The following WDFY4 variants were observed in gnomAD, a reference collection of about 807,000 sequenced individuals.
The protein encoded by WDFY4 is WD repeat- and FYVE domain-containing protein 4.
In WDFY4, 169 loss-of-function variants were observed where a neutral mutation model predicts 351.9. The ratio of observed to expected loss-of-function variants is 0.48; its 90% CI spans 0.42 to 0.55. The LOEUF (loss-of-function observed/expected upper bound fraction) is 0.55, where lower values mean the gene tolerates loss of function less well. WDFY4 is among the 20% of genes least tolerant of loss of function. The pLI is 0.00. For synonymous variants in WDFY4, 1,622 were observed against 1,574.6 expected (o/e 1.03, Z -0.71); for missense variants, 3,803 against 3,935.6 (o/e 0.97, Z 0.90).
At chr10:48,689,376 C>T (rs1258336223) in intron 1 of WDFY4, among the ~76,000 whole-genome samples, 3 of 152,000 alleles carry the variant, frequency 2.0e-5, no homozygotes, top group African/African-American at 4.8e-5. Flanking sequence ...GAAATGTAGC[C>T]GATGTGAATT....
intron 23 of WDFY4, among the ~76,000 whole-genome samples, chr10:48,794,019 T>A (rs547045938): frequency 6.6e-6 from 1 of 152,248 alleles, no homozygotes; most frequent in Admixed American, 6.5e-5. Flanking sequence ...TTCCAGGAGC[T>A]GGTCTGGGTT....
intron 1 of WDFY4, among the ~76,000 whole-genome samples, chr10:48,696,525 G>T (rs535729376): frequency 2.6e-5 from 4 of 152,352 alleles, no homozygotes; most frequent in African/African-American, 9.6e-5. Flanking sequence ...CATCTCTACG[G>T]CCCTGTCCTG....
chr10:48,917,850 C>T (rs1299294538), intron 47 of WDFY4, among the ~76,000 whole-genome samples: 1 of 152,160 alleles, frequency 6.6e-6, no homozygotes, highest in African/African-American at 2.4e-5. Context: ...TTTTTCTCTT[C>T]TAAATACCCT....
intron 1 of WDFY4, among the ~76,000 whole-genome samples, chr10:48,709,488 A>G (rs911871350): frequency 6.6e-6 from 1 of 152,156 alleles, no homozygotes; most frequent in African/African-American, 2.4e-5. Flanking sequence ...AGTCTTGTGT[A>G]TAAGACCCCA....
Position 48,723,581 on chromosome 10 carries a change from G to T in WDFY4, c.591+14G>T, listed in dbSNP as rs1271236619. On this transcript the variant is annotated intron_variant, in intron 5 of 61. Transcript: ENST00000325239. ...ATGTTCGTGCAGGTGAGTTCAAGGA[G>T]GGCCTCCAATTCCCTGGGTCAAAAC... 6.4e-7 allele frequency: 1 copy of T among 1,551,616 alleles called. No individual in the cohort carries two copies.
intron 1 of WDFY4, among the ~76,000 whole-genome samples, chr10:48,693,972 G>C (rs2063264737): frequency 6.6e-6 from 1 of 152,174 alleles, no homozygotes; most frequent in Non-Finnish European, 1.5e-5. Context: ...AGAACTAAGA[G>C]ATCTTTAATT....
intron 24 of WDFY4, among the ~76,000 whole-genome samples, chr10:48,800,686 C>T (rs2067041563): frequency 7.7e-6 from 1 of 130,102 alleles, no homozygotes; most frequent in African/African-American, 3.2e-5. Context: ...TTCTTTCTTT[C>T]TTTCTTTCTT....
chr10:48,796,275 C>G (rs768624421), intron 23 of WDFY4, 23 bp from the exon 24 acceptor site: 4 of 1,543,370 alleles, frequency 2.6e-6, no homozygotes, highest in Non-Finnish European at 3.5e-6. Flanking sequence ...CATGAGGAAA[C>G]TGCTTTGTGT....
At chr10:48,921,693 A>G (rs1006153437) in intron 47 of WDFY4, among the ~76,000 whole-genome samples, 1 of 152,236 alleles carries the variant, frequency 6.6e-6, no homozygotes, top group Non-Finnish European at 1.5e-5. Flanking sequence ...TCTGGTATCC[A>G]AAATCTATAA....
intron 2 of WDFY4, among the ~76,000 whole-genome samples, chr10:48,715,399 G>C (rs1012924248): frequency 6.6e-6 from 1 of 152,228 alleles, no homozygotes; most frequent in African/African-American, 2.4e-5. Flanking sequence ...AGTATGAAGG[G>C]ATTGAAATGA....
At position 48,811,652 on chromosome 10, in the gene WDFY4, A is replaced by G; in HGVS notation, c.5158A>G (p.Ile1720Val). 3.9e-6 allele frequency: 6 copies of G among 1,551,886 alleles called. No individual in the cohort carries two copies. Among genetic ancestry groups the G allele is most frequent in the Non-Finnish European group, 5.2e-6 (6 of 1,147,040 alleles). ...HHVHIPEVYL[I>V]VSTFFLQTPL... ...CGTCCACATTCCAGAGGTCTACCTC[A>G]TCGTCTCCACCTTCTTCCTGCAGAC... The change falls in exon 30 of 62, where the codon ATC (isoleucine) becomes GTC (valine). Residue 1720 changes from isoleucine (I) to valine (V), a missense_variant. Physicochemically the swap from Ile to Val is conservative, Grantham distance 29 (BLOSUM62 3). This residue lies in a region of WDFY4 where 3,054 missense variants were observed against 3,148.6 expected (regional missense o/e 0.97). Transcript: ENST00000325239.
At chr10:48,867,364 T>A in intron 40 of WDFY4, 22 bp downstream of exon 40, 1 of 1,432,192 alleles carries the variant, frequency 7.0e-7, no homozygotes, top group Non-Finnish European at 9.3e-7. Context: ...AACATAGGCT[T>A]TCTCTATACA....
intron 44 of WDFY4, among the ~76,000 whole-genome samples, chr10:48,893,819 G>C (rs534281124): frequency 3.8e-4 from 58 of 152,334 alleles, no homozygotes; most frequent in African/African-American, 1.4e-3. Context: ...TTATCTCACT[G>C]TGATTTATCT....
At chr10:48,780,787 C>A (rs935016573) in intron 19 of WDFY4, among the ~76,000 whole-genome samples, 10 of 152,148 alleles carry the variant, frequency 6.6e-5, no homozygotes, top group African/African-American at 1.9e-4. Flanking sequence ...ACACAAGTTC[C>A]AGGGAGAGCA....
At chr10:48,974,752 C>T in intron 57 of WDFY4, 110 bp from the exon 58 acceptor site, 1 of 1,176,458 alleles carries the variant, frequency 8.5e-7, no homozygotes, top group Non-Finnish European at 1.2e-6. Flanking sequence ...CTGACTCACT[C>T]AGAATCTCCA....
In WDFY4 at chr10:48,784,530, CT is replaced by C. The variant is rs71465479; in HGVS notation, c.3577-2079del. Among the ~76,000 whole-genome samples the C allele has an allele frequency of 1.2e-3, 31 of 26,870 alleles. 1 individual carries two copies. Among genetic ancestry groups the C allele is most frequent in the Admixed American group, 1.9e-3 (3 of 1,612 alleles). The allele number at this position is 26,870 out of a possible 152,430, so 17.6% of individuals were successfully genotyped here. ...GCCCATTTTCTAATTGCATTGTTTGCTTTTTTTTTTTTTTTTTTTTTTTTTT... is the reference window on the plus strand; with the variant it reads ...GCCCATTTTCTAATTGCATTGTTTGCTTTTTTTTTTTTTTTTTTTTTTTTT... On this transcript the variant is annotated intron_variant, in intron 19 of 61. Transcript: ENST00000325239.
intron 52 of WDFY4, among the ~76,000 whole-genome samples, chr10:48,958,492 G>A (rs78662310): frequency 0.017 from 2,627 of 152,244 alleles, 49 homozygotes; most frequent in Non-Finnish European, 0.022. Flanking sequence ...AGGCATGATG[G>A]GCTCAGCTGC....
Position 48,788,137 on chromosome 10 carries a change from C to T in WDFY4, c.3809-393C>T, listed in dbSNP as rs540267402. On this transcript the variant is annotated intron_variant, in intron 20 of 61. Coordinates refer to ENST00000325239, the MANE Select transcript of WDFY4 (RefSeq NM_001394531.1). ...CTGCCTCCCCGGTTCAAGCCATTCT[C>T]CTGCCTCAGCCTGCCAAGTAGCTGG... Among the ~76,000 whole-genome samples, 6 of 151,946 alleles carry T rather than the reference C, an allele frequency of 3.9e-5. No individual in the cohort carries two copies. In the South Asian group the frequency reaches 1.0e-3, roughly 26 times the overall value.
At chr10:48,873,753 G>T in intron 41 of WDFY4, 56 bp downstream of exon 41, 1 of 1,527,982 alleles carries the variant, frequency 6.5e-7, no homozygotes, top group Non-Finnish European at 8.8e-7. Flanking sequence ...TGATAGGAAA[G>T]CAGCTCCTGA....
Sources: gnomAD v4.1 joint callset for allele counts (sites outside exome capture counted in the v4.1 genomes callset) on GRCh38, gnomAD v4.1.1 for gene constraint, gnomAD v4.1.1 regional missense constraint, MANE v1.5 for transcripts, NCBI Gene and HGNC (gene_info 2026-07-23, HGNC 2026-07-21) for gene names.